Variants in SAMD13 observed in about 807,000 individuals in gnomAD.
SAMD13 encodes sterile alpha motif domain-containing protein 13.
In SAMD13, 9 loss-of-function variants were observed where a neutral mutation model predicts 12.4. The ratio of observed to expected loss-of-function variants is 0.72; its 90% CI spans 0.44 to 1.26. The LOEUF (loss-of-function observed/expected upper bound fraction) is 1.26, where lower values mean the gene tolerates loss of function less well. Ranked by LOEUF, SAMD13 falls within the 50% of genes most tolerant of loss-of-function variation. SAMD13 has a pLI of 0.00. For synonymous variants in SAMD13, 46 were observed against 45.4 expected (o/e 1.01, Z -0.05); for missense variants, 84 against 119.6 (o/e 0.70, Z 1.39).
At chr1:84,340,442 G>A (rs982219608) in intron 3 of SAMD13, among the ~76,000 whole-genome samples, 3 of 152,066 alleles carry the variant, frequency 2.0e-5, no homozygotes, top group Admixed American at 2.0e-4. Context: ...AGTAATGTGT[G>A]GATAATTTCT....
upstream of SAMD13, chr1:84,299,442 TGGATCGGAA>T: frequency 3.1e-6 from 1 of 317,938 alleles, no homozygotes; most frequent in Non-Finnish European, 6.0e-6. Context: ...CATAATGTGC[TGGATCGGAA>T]GGTCTTGTTT....
intron 2 of SAMD13, among the ~76,000 whole-genome samples, chr1:84,306,963 C>CT (rs1264488406): frequency 6.6e-6 from 1 of 151,534 alleles, no homozygotes; most frequent in Non-Finnish European, 1.5e-5. Flanking sequence ...TTTCTGTATA[C>CT]TTTTAGATAT....
chr1:84,336,363 A>C (rs1204990274), intron 3 of SAMD13, among the ~76,000 whole-genome samples: 3 of 152,216 alleles, frequency 2.0e-5, no homozygotes, highest in Admixed American at 6.5e-5. Flanking sequence ...AGTTTACAAA[A>C]GAAAAGGTTT....
chr1:84,336,454 T>C (rs1396012206), intron 3 of SAMD13, among the ~76,000 whole-genome samples: 1 of 152,134 alleles, frequency 6.6e-6, no homozygotes, highest in African/African-American at 2.4e-5. Flanking sequence ...AGTCACATCT[T>C]ATGTGGATGG....
chr1:84,299,437 T>C (rs1678392357), upstream of SAMD13: 2 of 310,784 alleles, frequency 6.4e-6, no homozygotes, highest in Admixed American at 5.0e-5. Context: ...TATCCCATAA[T>C]GTGCTGGATC....
At chr1:84,303,639 AT>A (rs948153794) in intron 2 of SAMD13, 192 of 166,866 alleles carry the variant, frequency 1.2e-3, no homozygotes, top group East Asian at 3.5e-3. Flanking sequence ...TAGAGTTCAA[AT>A]TTTTTTTTTG....
chr1:84,315,160 G>T lies in SAMD13; in HGVS notation c.54-10477G>T, dbSNP rs139530769. Reference sequence around the variant, plus strand: ...AGTGTACGATACAGTATTATTATCTGTAGGCACAATGTTGTACAGCATATC... The same window carrying T: ...AGTGTACGATACAGTATTATTATCTTTAGGCACAATGTTGTACAGCATATC... On this transcript the variant is annotated intron_variant, in intron 2 of 3. Coordinates refer to ENST00000394834, the MANE Select transcript of SAMD13 (RefSeq NM_001134663.2). Among the ~76,000 whole-genome samples the T allele has an allele frequency of 2.6e-5, 4 of 151,816 alleles. No individual in the cohort carries two copies. In the East Asian group the frequency reaches 7.8e-4, roughly 29 times the overall value.
chr1:84,311,782 C>T (rs536212930), intron 2 of SAMD13, among the ~76,000 whole-genome samples: 1 of 152,334 alleles, frequency 6.6e-6, no homozygotes, highest in Admixed American at 6.5e-5. Context: ...TTTTGTATAT[C>T]TAGCTAAAAT....
At chr1:84,317,810 C>G (rs1311129924) in intron 2 of SAMD13, among the ~76,000 whole-genome samples, 3 of 152,022 alleles carry the variant, frequency 2.0e-5, no homozygotes, top group Non-Finnish European at 2.9e-5. Flanking sequence ...CTCCATGAAG[C>G]CATCTAATCC....
chr1:84,305,651 T>C (rs988253583), intron 2 of SAMD13, among the ~76,000 whole-genome samples: 2 of 152,166 alleles, frequency 1.3e-5, no homozygotes, highest in African/African-American at 4.8e-5. Flanking sequence ...GGTTTAGGAC[T>C]ATGGTTTTTG....
chr1:84,332,590 T>C (rs759593400), intron 3 of SAMD13, among the ~76,000 whole-genome samples: 1 of 152,310 alleles, frequency 6.6e-6, no homozygotes, highest in Non-Finnish European at 1.5e-5. Context: ...TTTGTTTTCT[T>C]GCTTGTTGAT....
At chr1:84,315,987 A>G (rs991538038) in intron 2 of SAMD13, among the ~76,000 whole-genome samples, 1 of 152,142 alleles carries the variant, frequency 6.6e-6, no homozygotes, top group Non-Finnish European at 1.5e-5. Flanking sequence ...CTCTTTTCAT[A>G]TATATACATA....
At chr1:84,311,659 A>G (rs1046664138) in intron 2 of SAMD13, among the ~76,000 whole-genome samples, 1 of 152,226 alleles carries the variant, frequency 6.6e-6, no homozygotes, top group African/African-American at 2.4e-5. Flanking sequence ...ATGAAGCAGT[A>G]AGAAAACACT....
intron 3 of SAMD13, among the ~76,000 whole-genome samples, chr1:84,342,526 A>G (rs1362086397): frequency 1.3e-5 from 2 of 152,200 alleles, no homozygotes; most frequent in Non-Finnish European, 2.9e-5. Context: ...CCAATAGAAC[A>G]GAATGGAGAA....
intron 2 of SAMD13, among the ~76,000 whole-genome samples, chr1:84,320,914 C>T (rs945978650): frequency 3.3e-4 from 50 of 152,216 alleles, no homozygotes; most frequent in African/African-American, 1.2e-3. Flanking sequence ...TCCTTTTGGC[C>T]TGAACAACTC....
chr1:84,340,183 G>A (rs1679392630), intron 3 of SAMD13, among the ~76,000 whole-genome samples: 1 of 152,186 alleles, frequency 6.6e-6, no homozygotes, highest in Non-Finnish European at 1.5e-5. Context: ...TATCCCGAGT[G>A]TCCATGAACA....
intron 3 of SAMD13, chr1:84,344,534 A>C (rs981698310): frequency 4.8e-6 from 1 of 207,068 alleles, no homozygotes; most frequent in African/African-American, 2.4e-5. Context: ...TCTCCAGAAG[A>C]TACTTCATCC....
rs1478356659 is a variant in SAMD13 at position 84,350,164 on chromosome 1, A to C, written c.*390A>C. ...AGACTTAGGATGAGTAAAAACAAGA[A>C]AATTTGGGGAGGGGGAGAAAGAAGA... On this transcript the variant is annotated 3_prime_UTR_variant, in exon 4 of 4. Coordinates refer to ENST00000394834, the MANE Select transcript of SAMD13 (RefSeq NM_001134663.2). 1 of 155,570 alleles carries C rather than the reference A, an allele frequency of 6.4e-6. No individual in the cohort carries two copies. Among genetic ancestry groups the C allele is most frequent in the Non-Finnish European group, 1.4e-5 (1 of 70,742 alleles). 9.6% of individuals were successfully genotyped at this position (155,570 alleles called of 1,614,324 possible).
Position 84,349,855 on chromosome 1 carries a change from A to T in SAMD13, c.*81A>T. ...TCATGTAATGAAACTTTGTAAACAG[A>T]ATACATACATGTGTATATGTAAAGA... On this transcript the variant is annotated 3_prime_UTR_variant, in exon 4 of 4. Transcript: ENST00000394834. The T allele has an allele frequency of 6.5e-6, 10 of 1,539,026 alleles. No individual in the cohort carries two copies. The highest frequency in any genetic ancestry group is 8.7e-6 in the Non-Finnish European group (10 of 1,146,052).
Sources: gnomAD v4.1 joint callset for allele counts (sites outside exome capture counted in the v4.1 genomes callset) on GRCh38, gnomAD v4.1.1 for gene constraint, MANE v1.5 for transcripts, NCBI Gene and HGNC (gene_info 2026-07-23, HGNC 2026-07-21) for gene names.